MGAT4C: variants seen among roughly 807,000 people sequenced by gnomAD.
MGAT4C encodes MGAT4 family member C, also known as alpha-1,3-mannosyl-glycoprotein 4-beta-N-acetylglucosaminyltransferase C.
A neutral mutation model predicts 40.1 loss-of-function variants in MGAT4C; 19 were observed. That is an observed-to-expected ratio of 0.47 (90% CI 0.33 to 0.70). The LOEUF is 0.70. MGAT4C is among the 30% of genes least tolerant of loss of function. MGAT4C has a pLI of 0.02. For missense variants in MGAT4C, 491 were observed against 563.2 expected, an observed-to-expected ratio of 0.87 and a Z score of 1.30; for synonymous variants, 181 against 187.1, an observed-to-expected ratio of 0.97 and a Z score of 0.27.
At chr12:86,106,769 T>A (rs1876258184) in intron 1 of MGAT4C, among the ~76,000 whole-genome samples, 1 of 152,188 alleles carries the variant, frequency 6.6e-6, no homozygotes, top group Admixed American at 6.5e-5. Flanking sequence ...TTTCAATGTC[T>A]ACTAAATTCA....
intron 2 of MGAT4C, among the ~76,000 whole-genome samples, chr12:86,634,968 A>C (rs1055270442): frequency 3.3e-5 from 5 of 152,116 alleles, no homozygotes; most frequent in African/African-American, 1.2e-4. Context: ...AATCCAGGTA[A>C]AACATTTATA....
chr12:86,583,940 C>T (rs1960896850), intron 2 of MGAT4C, among the ~76,000 whole-genome samples: 1 of 150,912 alleles, frequency 6.6e-6, no homozygotes, highest in African/African-American at 2.4e-5. Context: ...TTACCTTATA[C>T]TACTAATAAA....
chr12:86,727,898 A>G (rs1950849599), intron 1 of MGAT4C, among the ~76,000 whole-genome samples: 1 of 152,140 alleles, frequency 6.6e-6, no homozygotes, highest in Non-Finnish European at 1.5e-5. Context: ...AACAAAAAAA[A>G]GAAACAAACA....
At chr12:86,660,801 C>T (rs745533887) in intron 2 of MGAT4C, among the ~76,000 whole-genome samples, 10 of 152,144 alleles carry the variant, frequency 6.6e-5, no homozygotes, top group Non-Finnish European at 1.5e-4. Context: ...CTAGTTGGGA[C>T]ATTCTATATA....
intron 1 of MGAT4C, among the ~76,000 whole-genome samples, chr12:86,765,935 A>G (rs371243030): frequency 2.1e-4 from 32 of 152,166 alleles, no homozygotes; most frequent in Non-Finnish European, 1.3e-4. Context: ...AAAGACCATC[A>G]AGACTAGGAA....
intron 1 of MGAT4C, among the ~76,000 whole-genome samples, chr12:86,077,316 C>T (rs891311745): frequency 2.6e-5 from 4 of 152,154 alleles, no homozygotes; most frequent in Non-Finnish European, 4.4e-5. Flanking sequence ...ATCCTTCATG[C>T]AACCAGAAAT....
At chr12:86,568,672 A>G (rs1960234994) in intron 2 of MGAT4C, among the ~76,000 whole-genome samples, 1 of 151,942 alleles carries the variant, frequency 6.6e-6, no homozygotes, top group African/African-American at 2.4e-5. Flanking sequence ...ACTTGACTTC[A>G]GAAGATACTA....
intron 1 of MGAT4C, among the ~76,000 whole-genome samples, chr12:86,732,672 T>A (rs1950929526): frequency 6.6e-6 from 1 of 152,076 alleles, no homozygotes; most frequent in Admixed American, 6.6e-5. Context: ...GGAGCAGCTG[T>A]AAATACAGAT....
intron 2 of MGAT4C, among the ~76,000 whole-genome samples, chr12:86,043,989 A>T (rs1892143881): frequency 6.6e-6 from 1 of 152,190 alleles, no homozygotes; most frequent in African/African-American, 2.4e-5. Flanking sequence ...GTTTTTTCTC[A>T]TCTGTGCAGG....
At chr12:86,350,428 T>C (rs1955133327) in intron 3 of MGAT4C, among the ~76,000 whole-genome samples, 1 of 152,168 alleles carries the variant, frequency 6.6e-6, no homozygotes, top group South Asian at 2.1e-4. Flanking sequence ...AATAAATGCT[T>C]AACAAATAAC....
intron 3 of MGAT4C, among the ~76,000 whole-genome samples, chr12:86,412,180 G>A (rs987198305): frequency 6.6e-6 from 1 of 152,222 alleles, no homozygotes. Flanking sequence ...GAAAACGTGG[G>A]GTTGGAGGCC....
intron 1 of MGAT4C, among the ~76,000 whole-genome samples, chr12:86,834,407 G>C (rs1448789800): frequency 2.0e-5 from 3 of 151,830 alleles, no homozygotes; most frequent in African/African-American, 4.8e-5. Flanking sequence ...TGACCACAAA[G>C]GAAGTCTGAA....
intron 1 of MGAT4C, among the ~76,000 whole-genome samples, chr12:86,245,837 A>AT (rs949399785): frequency 1.3e-5 from 2 of 152,146 alleles, no homozygotes; most frequent in Admixed American, 6.6e-5. Flanking sequence ...AATTAAAGTG[A>AT]TTTTTTTCTA....
intron 1 of MGAT4C, among the ~76,000 whole-genome samples, chr12:86,178,065 T>G (rs1384723805): frequency 6.6e-6 from 1 of 151,964 alleles, no homozygotes; most frequent in Non-Finnish European, 1.5e-5. Context: ...GCCTCCCGAG[T>G]AGCTGGGACT....
intron 2 of MGAT4C, among the ~76,000 whole-genome samples, chr12:86,669,707 G>A (rs1038528510): frequency 2.6e-5 from 4 of 152,236 alleles, no homozygotes; most frequent in African/African-American, 9.6e-5. Flanking sequence ...TGCTTCTTGG[G>A]TTGAGGGACA....
At chr12:86,558,257 G>C (rs193295807) in intron 2 of MGAT4C, among the ~76,000 whole-genome samples, 1 of 152,014 alleles carries the variant, frequency 6.6e-6, no homozygotes, top group African/African-American at 2.4e-5. Context: ...TCAGAGCGAG[G>C]AGATAGGCAA....
At chr12:86,191,933 T>C (rs995421812) in intron 1 of MGAT4C, among the ~76,000 whole-genome samples, 6 of 150,762 alleles carry the variant, frequency 4.0e-5, no homozygotes, top group Non-Finnish European at 7.4e-5. Flanking sequence ...GGTGAGTTCA[T>C]GTCTTTTGTA....
intron 1 of MGAT4C, among the ~76,000 whole-genome samples, chr12:86,752,616 C>T (rs908939296): frequency 6.6e-6 from 1 of 151,956 alleles, no homozygotes; most frequent in Non-Finnish European, 1.5e-5. Flanking sequence ...ATTTAATCTT[C>T]CAACACATGA....
At chr12:86,423,253 G>T (rs565304453) in intron 3 of MGAT4C, among the ~76,000 whole-genome samples, 1 of 151,710 alleles carries the variant, frequency 6.6e-6, no homozygotes, top group Non-Finnish European at 1.5e-5. Context: ...TACAGACAGG[G>T]TGCATTAAAT....
Sources: allele counts gnomAD v4.1 joint callset (sites outside exome capture counted in the v4.1 genomes callset), GRCh38; gene constraint gnomAD v4.1.1; transcripts MANE v1.5; gene names NCBI Gene and HGNC (gene_info 2026-07-23, HGNC 2026-07-21).